UHRF2: variants seen among roughly 807,000 people sequenced by gnomAD.
The protein encoded by UHRF2 is ubiquitin like with PHD and ring finger domains 2, also known as E3 ubiquitin-protein ligase UHRF2.
UHRF2 carries 23 observed loss-of-function variants against 96.8 expected under a neutral mutation model. That is an observed-to-expected ratio of 0.24 (90% CI 0.17 to 0.34). The LOEUF is 0.34. Among genes scored for constraint, UHRF2 ranks in the 10% least tolerant of loss-of-function variants. The pLI, the probability that UHRF2 is intolerant of heterozygous loss-of-function variation, is 1.00. For missense variants in UHRF2, 685 were observed against 981.5 expected (o/e 0.70, Z 4.04); for synonymous variants, 385 against 332.6 (o/e 1.16, Z -1.72).
chr9:6,462,877 A>G (rs931574089), intron 4 of UHRF2, among the ~76,000 whole-genome samples: 6 of 152,176 alleles, frequency 3.9e-5, no homozygotes, highest in Admixed American at 1.3e-4. Flanking sequence ...AGATCATGCC[A>G]TTGTACTCCA....
chr9:6,450,449 T>A (rs1432655178), intron 3 of UHRF2, among the ~76,000 whole-genome samples: 2 of 152,132 alleles, frequency 1.3e-5, no homozygotes, highest in Non-Finnish European at 2.9e-5. Context: ...ATAATTAAAG[T>A]TTAATTTGAT....
At chr9:6,414,458 T>C (rs1026935554) in intron 1 of UHRF2, among the ~76,000 whole-genome samples, 2 of 152,240 alleles carry the variant, frequency 1.3e-5, no homozygotes, top group Admixed American at 6.5e-5. Flanking sequence ...CGGTGCATAC[T>C]TGAAGGCTGT....
chr9:6,413,710 C>T, intron 1 of UHRF2, 67 bp downstream of exon 1: 3 of 1,415,552 alleles, frequency 2.1e-6, no homozygotes, highest in East Asian at 5.9e-5. Context: ...TCTGGACGCA[C>T]CGGTCCGAGG....
chr9:6,413,440 C>T lies in UHRF2; in HGVS notation c.-51C>T, dbSNP rs759619457. ...GGCGCGGGCCGGGCGGGGCGCGGCG[C>T]CCAGAGCTCAGGGGGAGACAAAGGG... On this transcript the variant is annotated 5_prime_UTR_variant, in exon 1 of 16. Transcript: ENST00000276893. 8.9e-6 allele frequency: 12 copies of T among 1,355,470 alleles called. No homozygotes were observed. In the South Asian group the frequency reaches 1.9e-4, roughly 21 times the overall value. 84.0% of individuals were successfully genotyped at this position (1,355,470 alleles called of 1,614,324 possible).
At chr9:6,457,965 T>G (rs1300577230) in intron 3 of UHRF2, among the ~76,000 whole-genome samples, 1 of 152,190 alleles carries the variant, frequency 6.6e-6, no homozygotes, top group Non-Finnish European at 1.5e-5. Flanking sequence ...GGCCTGAAAT[T>G]TTCTTTTTTT....
chr9:6,466,720 T>C (rs1177697006), intron 4 of UHRF2, among the ~76,000 whole-genome samples: 1 of 152,242 alleles, frequency 6.6e-6, no homozygotes, highest in Non-Finnish European at 1.5e-5. Flanking sequence ...GCATATCAAG[T>C]TGTAAGTCAC....
intron 14 of UHRF2, among the ~76,000 whole-genome samples, chr9:6,502,190 C>T (rs578135354): frequency 2.6e-5 from 4 of 152,100 alleles, no homozygotes; most frequent in Admixed American, 1.3e-4. Context: ...TTCCAAAGGC[C>T]CTGTGATCAG....
chr9:6,436,409 G>A (rs1820851453), intron 3 of UHRF2, among the ~76,000 whole-genome samples: 1 of 152,152 alleles, frequency 6.6e-6, no homozygotes, highest in South Asian at 2.1e-4. Flanking sequence ...TGAAGTTGGT[G>A]TATTAATAGT....
At chr9:6,504,763 A>G in intron 15 of UHRF2, 72 bp downstream of exon 15, 1 of 1,249,614 alleles carries the variant, frequency 8.0e-7, no homozygotes, top group South Asian at 1.4e-5. Flanking sequence ...TGTTTTTAGC[A>G]TGCTAAGAAG....
intron 10 of UHRF2, chr9:6,496,150 G>T (rs962628916): frequency 6.6e-6 from 1 of 151,960 alleles, no homozygotes; most frequent in Non-Finnish European, 1.5e-5. Flanking sequence ...TTTTCTTGAC[G>T]TCTATTTTTT....
chr9:6,422,409 C>G (rs1306480485), intron 2 of UHRF2, among the ~76,000 whole-genome samples: 1 of 151,880 alleles, frequency 6.6e-6, no homozygotes, highest in Non-Finnish European at 1.5e-5. Flanking sequence ...TCTCCTATCT[C>G]CCCAATTTCT....
At chr9:6,437,419 T>C (rs1176114402) in intron 3 of UHRF2, among the ~76,000 whole-genome samples, 1 of 151,928 alleles carries the variant, frequency 6.6e-6, no homozygotes, top group Non-Finnish European at 1.5e-5. Context: ...CTTTAGTAGA[T>C]ACGGGGTTTC....
At chr9:6,456,867 C>T (rs1243157880) in intron 3 of UHRF2, among the ~76,000 whole-genome samples, 1 of 152,094 alleles carries the variant, frequency 6.6e-6, no homozygotes, top group East Asian at 1.9e-4. Context: ...ATTTCTGAGA[C>T]CTCTGTTCAG....
At chr9:6,420,328 T>G (rs1287506415) in intron 1 of UHRF2, among the ~76,000 whole-genome samples, 1 of 151,720 alleles carries the variant, frequency 6.6e-6, no homozygotes, top group East Asian at 2.0e-4. Flanking sequence ...GTACTGAGAT[T>G]ACAGGCGTGA....
At chr9:6,503,284 C>G (rs1157028307) in intron 14 of UHRF2, among the ~76,000 whole-genome samples, 1 of 152,150 alleles carries the variant, frequency 6.6e-6, no homozygotes, top group African/African-American at 2.4e-5. Context: ...GTGTGAACCA[C>G]CATGCTTGGC....
intron 3 of UHRF2, among the ~76,000 whole-genome samples, chr9:6,439,942 T>G (rs1232748105): frequency 6.6e-6 from 1 of 152,132 alleles, no homozygotes; most frequent in Non-Finnish European, 1.5e-5. Context: ...AAGTGGTTAA[T>G]GTAAAAGAAA....
chr9:6,472,059 A>G (rs1453812340), intron 4 of UHRF2, among the ~76,000 whole-genome samples: 1 of 152,222 alleles, frequency 6.6e-6, no homozygotes, highest in Admixed American at 6.5e-5. Context: ...TGACAAATGG[A>G]TATACGCATG....
At chr9:6,469,559 C>T (rs1419277630) in intron 4 of UHRF2, among the ~76,000 whole-genome samples, 2 of 151,506 alleles carry the variant, frequency 1.3e-5, no homozygotes, top group African/African-American at 4.9e-5. Context: ...AAATAAGACA[C>T]AGCAGAAGAT....
chr9:6,446,929 C>T (rs1411346403), intron 3 of UHRF2, among the ~76,000 whole-genome samples: 1 of 151,950 alleles, frequency 6.6e-6, no homozygotes, highest in African/African-American at 2.4e-5. Context: ...TGCTCTGTCA[C>T]CCAGGCTGGA....
Sources: allele counts gnomAD v4.1 joint callset (sites outside exome capture counted in the v4.1 genomes callset), GRCh38; gene constraint gnomAD v4.1.1; transcripts MANE v1.5; gene names NCBI Gene and HGNC (gene_info 2026-07-23, HGNC 2026-07-21).